MYNN: variants seen among roughly 807,000 people sequenced by gnomAD.
MYNN encodes the protein zinc finger and BTB domain-containing protein 31.
A neutral mutation model predicts 57.2 loss-of-function variants in MYNN; 22 were observed. That is an observed-to-expected ratio of 0.38 (90% CI 0.27 to 0.55). The LOEUF is 0.55. MYNN is among the 20% of genes least tolerant of loss of function. The pLI is 0.71. For missense variants in MYNN, 566 were observed against 723.1 expected (o/e 0.78, Z 2.49); for synonymous variants, 241 against 257.1 (o/e 0.94, Z 0.60).
intron 4 of MYNN, 124 bp downstream of exon 4, chr3:169,780,873 C>A: frequency 1.2e-6 from 1 of 864,640 alleles, no homozygotes; most frequent in Non-Finnish European, 1.7e-6. Flanking sequence ...ACAATGTTAA[C>A]ACGTTCAAGG....
chr3:169,775,915 A>G (rs1340205943), intron 2 of MYNN, among the ~76,000 whole-genome samples: 3 of 152,198 alleles, frequency 2.0e-5, no homozygotes, highest in Non-Finnish European at 4.4e-5. Flanking sequence ...ACGAGGAAAC[A>G]TTCTTGTGTA....
At chr3:169,778,683 A>C in intron 2 of MYNN, 85 bp from the exon 3 acceptor site, 2 of 1,036,742 alleles carry the variant, frequency 1.9e-6, no homozygotes, top group Non-Finnish European at 2.8e-6. Flanking sequence ...TTAGGTCTTT[A>C]AAATACATTG....
At chr3:169,780,957 C>G (rs1157923655) in intron 4 of MYNN, among the ~76,000 whole-genome samples, 1 of 152,098 alleles carries the variant, frequency 6.6e-6, no homozygotes, top group Non-Finnish European at 1.5e-5. Flanking sequence ...AGGTCAGACT[C>G]GTCCAGAAGT....
At chr3:169,784,378 G>C (rs1577401081) in intron 6 of MYNN, among the ~76,000 whole-genome samples, 1 of 151,924 alleles carries the variant, frequency 6.6e-6, no homozygotes, top group East Asian at 1.9e-4. Context: ...TTAGTTTGCA[G>C]ATACATTTCT....
intron 2 of MYNN, among the ~76,000 whole-genome samples, chr3:169,776,300 G>T (rs1261971923): frequency 6.6e-6 from 1 of 152,182 alleles, no homozygotes; most frequent in Non-Finnish European, 1.5e-5. Context: ...TACCAAAATA[G>T]AAAGGCTTAC....
Position 169,774,445 on chromosome 3 carries a change from TGC to T in MYNN, c.152_153del (p.Ala51AspfsTer7). On this transcript the variant is annotated frameshift_variant, in exon 2 of 8. Transcript: ENST00000349841. LOFTEE classifies it high-confidence loss of function. ...TGGCCTCCTTTAGTGAGTATTTTGG[TGC>T]GATCTACAGAAGCACTTCTGAGAAC... ...VLASFSEYFG[A>X]IYRSTSENNV... 1 of 1,614,142 alleles carries T rather than the reference TGC, an allele frequency of 6.2e-7. No individual in the cohort carries two copies. Among genetic ancestry groups the T allele is most frequent in the African/African-American group, 1.3e-5 (1 of 75,052 alleles).
rs1170682896 is a variant in MYNN, at chr3:169,774,377, A to G, written c.82A>G (p.Ile28Val). 1.2e-6 allele frequency: 2 copies of G among 1,614,180 alleles called. No homozygotes were observed. Among genetic ancestry groups the G allele is most frequent in the East Asian group, 2.2e-5 (1 of 44,872 alleles). ...AGCAGGTTTTCTCTGTGACTGTACC[A>G]TAGTGATTGGGGAATTCCAGTTTAA... ...REAGFLCDCT[I>V]VIGEFQFKAH... Residue 28 changes from isoleucine to valine, a missense_variant, in exon 2 of 8, where the codon ATA becomes GTA. Coordinates refer to ENST00000349841, the MANE Select transcript of MYNN (RefSeq NM_018657.5).
In MYNN at chr3:169,783,459, C is replaced by T. The variant is rs1778576466; in HGVS notation, c.1400-18C>T. 3 of 1,505,576 alleles carry T rather than the reference C, an allele frequency of 2.0e-6. No homozygotes were observed. The highest frequency in any genetic ancestry group is 1.7e-5 in the Admixed American group (1 of 58,830). 93.3% of individuals were successfully genotyped at this position (1,505,576 alleles called of 1,614,324 possible). A position where few individuals can be genotyped will look rare whatever the true frequency, so the allele number is the denominator to read the frequency against. On this transcript the variant is annotated intron_variant, in intron 5 of 7. Coordinates refer to ENST00000349841, the MANE Select transcript of MYNN (RefSeq NM_018657.5). ...TTGGTATAGTACACCACTTCGCTAT[C>T]TTTTATTTTCCATCTAGGTGAAAAA...
intron 3 of MYNN, chr3:169,780,304 C>T (rs1349422170): frequency 2.4e-5 from 5 of 204,488 alleles, no homozygotes; most frequent in Non-Finnish European, 3.9e-5. Context: ...GTGATCCGCC[C>T]GCCTCCGCCT....
Position 169,781,911 on chromosome 3 carries a change from G to T in MYNN, c.1221-554G>T, listed in dbSNP as rs145615297. On this transcript the variant is annotated intron_variant, in intron 4 of 7. Transcript: ENST00000349841. ...GTCAAGGGTCTTTGTTTTGTTTTTGGTTTTTTTTTAATATGGGAGACATCA... is the reference window on the plus strand; with the variant it reads ...GTCAAGGGTCTTTGTTTTGTTTTTGTTTTTTTTTTAATATGGGAGACATCA... 3.3e-3 allele frequency among the ~76,000 whole-genome samples: 498 copies of T among 151,512 alleles called. 3 individuals carry two copies. The highest frequency in any genetic ancestry group is 0.011 in the African/African-American group (467 of 41,288).
rs1456105844 is a variant in MYNN, at chr3:169,787,359, CA to C, written c.*685del. ...TTTGAGTTATCTGAGATTGTATTTTCAAAATGAATTTTAAGTAGATATTTGG... is the reference window on the plus strand; with the variant it reads ...TTTGAGTTATCTGAGATTGTATTTTCAAATGAATTTTAAGTAGATATTTGG... On this transcript the variant is annotated 3_prime_UTR_variant, in exon 8 of 8. Coordinates refer to ENST00000349841, the MANE Select transcript of MYNN (RefSeq NM_018657.5). 1 of 151,996 alleles carries C rather than the reference CA, an allele frequency of 6.6e-6. No homozygotes were observed. Among genetic ancestry groups the C allele is most frequent in the African/African-American group, 2.4e-5 (1 of 41,414 alleles). 9.4% of individuals were successfully genotyped at this position (151,996 alleles called of 1,614,324 possible).
rs748365710 is a variant in MYNN at position 169,782,440 on chromosome 3, C to CTTAT, written c.1221-21_1221-18dup. 1 of 1,581,210 alleles carries CTTAT rather than the reference C, an allele frequency of 6.3e-7. No homozygotes were observed. Among genetic ancestry groups the CTTAT allele is most frequent in the Non-Finnish European group, 8.6e-7 (1 of 1,163,588 alleles). The stretch of plus-strand genomic sequence containing the variant: ...ATAGACTGACCTCCAAATTGTTTTA[C>CTTAT]TTATTTAACTTTATTTACTAACAGG... On this transcript the variant is annotated intron_variant, in intron 4 of 7. Coordinates refer to ENST00000349841, the MANE Select transcript of MYNN (RefSeq NM_018657.5). The surrounding 1 kb of genome is among the most constrained non-coding windows in gnomAD (Gnocchi z 4.8).
chr3:169,782,748 C>A lies in MYNN; in HGVS notation c.1399+105C>A. Reference sequence around the variant, plus strand: ...GATCGGAAACTTTGTAGTTAGATATCTGTTTATATTTCTATAAGCTATGTT... The same window carrying A: ...GATCGGAAACTTTGTAGTTAGATATATGTTTATATTTCTATAAGCTATGTT... On this transcript the variant is annotated intron_variant, in intron 5 of 7. Coordinates refer to ENST00000349841, the MANE Select transcript of MYNN (RefSeq NM_018657.5). This position sits in a 1 kb window ranked among gnomAD's most constrained non-coding sequence, Gnocchi z 4.8. 1.2e-6 allele frequency: 1 copy of A among 814,178 alleles called. No homozygotes were observed. Among genetic ancestry groups the A allele is most frequent in the Non-Finnish European group, 1.9e-6 (1 of 521,652 alleles). The allele number at this position is 814,178 out of a possible 1,614,324, so 50.4% of individuals were successfully genotyped here.
At chr3:169,784,786 A>C (rs1310967219) in intron 7 of MYNN, 78 bp downstream of exon 7, 4 of 910,180 alleles carry the variant, frequency 4.4e-6, no homozygotes, top group Non-Finnish European at 6.7e-6. Context: ...TAAAATGCTG[A>C]GATGAGATTT....
At position 169,779,082 on chromosome 3, in the gene MYNN, A is replaced by C. The variant is rs375743196; in HGVS notation, c.581A>C (p.Asn194Thr). The change falls in exon 3 of 8, where the codon AAT becomes ACT. Residue 194 changes from asparagine to threonine, a missense_variant. Asn to Thr is a moderately conservative substitution (Grantham distance 65, BLOSUM62 0). Transcript: ENST00000349841. ...KAFNSPKTGQ[N>T]KTVQYPSDIL... ...TTCAACTCCCCGAAAACAGGGCAGA[A>C]TAAAACAGTGCAATATCCCAGTGAC... The C allele has an allele frequency of 6.2e-7, 1 of 1,614,104 alleles. No individual in the cohort carries two copies. Among genetic ancestry groups the C allele is most frequent in the African/African-American group, 1.3e-5 (1 of 74,958 alleles).
In MYNN at chr3:169,786,766, T is replaced by C. The variant is rs1016190244; in HGVS notation, c.*88T>C. On this transcript the variant is annotated 3_prime_UTR_variant, in exon 8 of 8. Transcript: ENST00000349841. ...TATATTCATATTAAATTCCCATTCA[T>C]TTGAGTTGTGACCATTATTTTTCAT... The C allele has an allele frequency of 7.5e-7, 1 of 1,333,332 alleles. No individual in the cohort carries two copies. The highest frequency in any genetic ancestry group is 1.5e-5 in the African/African-American group (1 of 68,442). 82.6% of individuals were successfully genotyped at this position (1,333,332 alleles called of 1,614,324 possible). A position where few individuals can be genotyped will look rare whatever the true frequency, so the allele number is the denominator to read the frequency against.
chr3:169,774,098 G>A (rs1015546859), intron 1 of MYNN, 167 bp from the exon 2 acceptor site: 1 of 584,814 alleles, frequency 1.7e-6, no homozygotes, highest in East Asian at 2.9e-5. Context: ...GTTGATCAAG[G>A]TAACCAAAGA....
Position 169,786,823 on chromosome 3 carries a change from A to G in MYNN, c.*145A>G. 3.9e-6 allele frequency: 3 copies of G among 765,558 alleles called. No individual in the cohort carries two copies. Among genetic ancestry groups the G allele is most frequent in the Non-Finnish European group, 6.2e-6 (3 of 486,592 alleles). The allele number at this position is 765,558 out of a possible 1,614,324, so 47.4% of individuals were successfully genotyped here. A position where few individuals can be genotyped will look rare whatever the true frequency, so the allele number is the denominator to read the frequency against. The stretch of plus-strand genomic sequence containing the variant: ...AAGTAAAAGCACCTGATGCTGCATC[A>G]CAACTGCAATGTTTGTTTTTATTTT... On this transcript the variant is annotated 3_prime_UTR_variant, in exon 8 of 8. Coordinates refer to ENST00000349841, the MANE Select transcript of MYNN (RefSeq NM_018657.5).
rs771045925 is a variant in MYNN, at chr3:169,779,052, A to C, written c.551A>C (p.Lys184Thr). 1.6e-5 allele frequency: 26 copies of C among 1,614,012 alleles called. No individual in the cohort carries two copies. Among genetic ancestry groups the C allele is most frequent in the East Asian group, 2.2e-5 (1 of 44,906 alleles). ...TCATCTCAAACGAAAAAGAAGAAGAAGGCTTTCAACTCCCCGAAAACAGGG... is the reference window on the plus strand; with the variant it reads ...TCATCTCAAACGAAAAAGAAGAAGACGGCTTTCAACTCCCCGAAAACAGGG... Reference protein sequence around the residue: ...KKSSQTKKKKKAFNSPKTGQN... With the variant: ...KKSSQTKKKKTAFNSPKTGQN... The change falls in exon 3 of 8, where the codon AAG becomes ACG. Residue 184 changes from lysine (K) to threonine (T), a missense_variant. Around this residue, in one of 4 missense-constraint regions of MYNN, gnomAD observed 261 missense variants for 280.8 expected, o/e 0.93. Coordinates refer to ENST00000349841, the MANE Select transcript of MYNN (RefSeq NM_018657.5).
Sources: gnomAD v4.1 joint callset for allele counts (sites outside exome capture counted in the v4.1 genomes callset) on GRCh38, gnomAD v4.1.1 for gene constraint, gnomAD v4.1.1 regional missense constraint, Gnocchi (gnomAD v3.1) non-coding constraint, MANE v1.5 for transcripts, NCBI Gene and HGNC (gene_info 2026-07-23, HGNC 2026-07-21) for gene names.